SV2B: variants seen among roughly 807,000 people sequenced by gnomAD.
The protein encoded by SV2B is solute carrier family 22 member B2.
In SV2B, 41 loss-of-function variants were observed where a neutral mutation model predicts 73.9. The observed-to-expected ratio is 0.56, with a 90% CI of 0.43 to 0.72. The LOEUF (loss-of-function observed/expected upper bound fraction) is 0.72. SV2B is among the 30% of genes least tolerant of loss of function. The pLI is 0.00. For missense variants in SV2B, 764 were observed against 857.8 expected (o/e 0.89, Z 1.37); for synonymous variants, 314 against 314.2 (o/e 1.00, Z 0.01).
intron 1 of SV2B, among the ~76,000 whole-genome samples, chr15:91,192,658 G>T (rs976625918): frequency 6.6e-6 from 1 of 152,114 alleles, no homozygotes; most frequent in African/African-American, 2.4e-5. Context: ...CTTTAAAAAA[G>T]GATGGAGAAG....
chr15:91,141,389 A>G lies in SV2B; in HGVS notation c.-392+41026A>G, dbSNP rs761828777. Reference sequence around the variant, plus strand: ...AGGAAGACTTGGAGTTTTCAGGAGCATCTTAGTAGTTTAGCTTTCTAACCT... The same window carrying G: ...AGGAAGACTTGGAGTTTTCAGGAGCGTCTTAGTAGTTTAGCTTTCTAACCT... On this transcript the variant is annotated intron_variant, in intron 1 of 12. Transcript: ENST00000394232. The surrounding 1 kb of genome is among the most constrained non-coding windows in gnomAD (Gnocchi z 4.6). Among the ~76,000 whole-genome samples, 4 of 152,164 alleles carry G rather than the reference A, an allele frequency of 2.6e-5. No homozygotes were observed. The highest frequency in any genetic ancestry group is 4.4e-5 in the Non-Finnish European group (3 of 68,026).
In SV2B at chr15:91,292,680, C is replaced by A; in HGVS notation, c.*128C>A. 8.2e-7 allele frequency: 1 copy of A among 1,218,022 alleles called. No individual in the cohort carries two copies. The highest frequency in any genetic ancestry group is 1.1e-6 in the Non-Finnish European group (1 of 900,982). The allele number at this position is 1,218,022 out of a possible 1,614,324, so 75.5% of individuals were successfully genotyped here. On this transcript the variant is annotated 3_prime_UTR_variant, in exon 13 of 13. Coordinates refer to ENST00000394232, the MANE Select transcript of SV2B (RefSeq NM_001323032.3). Reference sequence around the variant, plus strand: ...CGGGAGGAGAAGTTGACTTTGTGACCCCTAGTTTAGGACCCACTTCAGCTG... The same window carrying A: ...CGGGAGGAGAAGTTGACTTTGTGACACCTAGTTTAGGACCCACTTCAGCTG...
At chr15:91,138,324 T>C (rs2042904153) in intron 1 of SV2B, among the ~76,000 whole-genome samples, 1 of 152,234 alleles carries the variant, frequency 6.6e-6, no homozygotes, top group Non-Finnish European at 1.5e-5. Flanking sequence ...ACCGAGGAAC[T>C]AAGTTTTAAA....
chr15:91,196,242 T>C (rs1032939352), intron 1 of SV2B, among the ~76,000 whole-genome samples: 3 of 152,190 alleles, frequency 2.0e-5, no homozygotes, highest in African/African-American at 7.2e-5. Flanking sequence ...CACGGGGATA[T>C]AATAATTTAT....
At chr15:91,113,262 C>A (rs1263393019) in intron 1 of SV2B, among the ~76,000 whole-genome samples, 3 of 152,228 alleles carry the variant, frequency 2.0e-5, no homozygotes, top group African/African-American at 7.2e-5. Context: ...GGCCACGTAA[C>A]AGTTTTGTTG....
chr15:91,197,673 A>G lies in SV2B; in HGVS notation c.-391-28200A>G, dbSNP rs1231139116. On this transcript the variant is annotated intron_variant, in intron 1 of 12. Transcript: ENST00000394232. The surrounding 1 kb of genome is among the most constrained non-coding windows in gnomAD (Gnocchi z 4.9). The stretch of plus-strand genomic sequence containing the variant: ...AGCTACATTAATTACAACTCCATAC[A>G]TGTTACAGCAAAATCTCTAAAATAT... 2.0e-5 allele frequency among the ~76,000 whole-genome samples: 3 copies of G among 152,238 alleles called. No individual in the cohort carries two copies. Among genetic ancestry groups the G allele is most frequent in the African/African-American group, 7.2e-5 (3 of 41,470 alleles).
chr15:91,175,885 T>A (rs1451903259), intron 1 of SV2B, among the ~76,000 whole-genome samples: 1 of 151,706 alleles, frequency 6.6e-6, no homozygotes, highest in Non-Finnish European at 1.5e-5. Flanking sequence ...TTATTAGTAT[T>A]TTCTTTTTTT....
rs1268158880 is a variant in SV2B at position 91,284,794 on chromosome 15, G to C, written c.1708+573G>C. On this transcript the variant is annotated intron_variant, in intron 11 of 12. Transcript: ENST00000394232. This position sits in a 1 kb window ranked among gnomAD's most constrained non-coding sequence, Gnocchi z 4.5. Reference sequence around the variant, plus strand: ...GGGTTTTGTGAGAATTGAACATAAGGTACCTGTAACACTTGGCACATCGTC... The same window carrying C: ...GGGTTTTGTGAGAATTGAACATAAGCTACCTGTAACACTTGGCACATCGTC... 1.3e-5 allele frequency among the ~76,000 whole-genome samples: 2 copies of C among 152,100 alleles called. No homozygotes were observed. The highest frequency in any genetic ancestry group is 4.8e-5 in the African/African-American group (2 of 41,386).
intron 1 of SV2B, among the ~76,000 whole-genome samples, chr15:91,117,461 T>C (rs954887418): frequency 6.6e-6 from 1 of 152,210 alleles, no homozygotes; most frequent in African/African-American, 2.4e-5. Context: ...ACAAACTATA[T>C]TTATCTTACT....
chr15:91,296,735 TCATGGGCACACGCTCCTTCTGCCC>T lies in SV2B; in HGVS notation c.*4184_*4207del. 6.8e-6 allele frequency: 1 copy of T among 147,288 alleles called. No individual in the cohort carries two copies. The highest frequency in any genetic ancestry group is 1.5e-5 in the Non-Finnish European group (1 of 68,296). 9.1% of individuals were successfully genotyped at this position (147,288 alleles called of 1,614,324 possible). A position where few individuals can be genotyped will look rare whatever the true frequency, so the allele number is the denominator to read the frequency against. On this transcript the variant is annotated 3_prime_UTR_variant, in exon 13 of 13. Transcript: ENST00000394232. ...ATGGGCACACGCTCCTTCTGCCCGA[TCATGGGCACACGCTCCTTCTGCCC>T]GATCGTTGGGAGCACACTCCTTCTG...
intron 1 of SV2B, among the ~76,000 whole-genome samples, chr15:91,170,408 C>G (rs912276384): frequency 1.3e-5 from 2 of 152,184 alleles, no homozygotes; most frequent in Non-Finnish European, 2.9e-5. Flanking sequence ...CTGCCTCAGC[C>G]TCCCGAGTAG....
chr15:91,292,547 A>C lies in SV2B; in HGVS notation c.2047A>C (p.Met683Leu). 1.2e-6 allele frequency: 2 copies of C among 1,613,088 alleles called. No individual in the cohort carries two copies. Among genetic ancestry groups the C allele is most frequent in the Non-Finnish European group, 1.7e-6 (2 of 1,179,698 alleles). ...RLPETREQVL[M>L] Reference sequence around the variant, plus strand: ...GCCAGAGACTCGAGAACAGGTCCTGATGTGAACAACCTATGGGAAAAGGAA... The same window carrying C: ...GCCAGAGACTCGAGAACAGGTCCTGCTGTGAACAACCTATGGGAAAAGGAA... The change falls in exon 13 of 13, where the codon ATG (methionine) becomes CTG (leucine). Residue 683 changes from methionine to leucine, a missense_variant. Met to Leu is a conservative substitution (Grantham distance 15, BLOSUM62 2). Coordinates refer to ENST00000394232, the MANE Select transcript of SV2B (RefSeq NM_001323032.3).
At chr15:91,157,117 G>GCTTGGA (rs1254796971) in intron 1 of SV2B, among the ~76,000 whole-genome samples, 1 of 152,158 alleles carries the variant, frequency 6.6e-6, no homozygotes, top group Non-Finnish European at 1.5e-5. Context: ...GGGAAGCTGA[G>GCTTGGA]CTTGGAAATG....
At chr15:91,207,477 G>T (rs948030584) in intron 1 of SV2B, among the ~76,000 whole-genome samples, 2 of 152,058 alleles carry the variant, frequency 1.3e-5, no homozygotes, top group Non-Finnish European at 2.9e-5. Flanking sequence ...TGGTCTGTGT[G>T]GTCCCCACCA....
Position 91,132,416 on chromosome 15 carries a change from A to G in SV2B, c.-392+32053A>G, listed in dbSNP as rs1485613919. On this transcript the variant is annotated intron_variant, in intron 1 of 12. Transcript: ENST00000394232. The surrounding 1 kb of genome is among the most constrained non-coding windows in gnomAD (Gnocchi z 4.6). ...TGAAGTAAAGTTATACTTCTATGCAAATGAAGACTTGGCCTGCAATCAGTC... is the reference window on the plus strand; with the variant it reads ...TGAAGTAAAGTTATACTTCTATGCAGATGAAGACTTGGCCTGCAATCAGTC... Among the ~76,000 whole-genome samples, 1 of 152,214 alleles carries G rather than the reference A, an allele frequency of 6.6e-6. No homozygotes were observed. Among genetic ancestry groups the G allele is most frequent in the African/African-American group, 2.4e-5 (1 of 41,462 alleles).
Position 91,107,670 on chromosome 15 carries a change from C to T in SV2B, c.-392+7307C>T, listed in dbSNP as rs187245110. ...TGTCAACCAGGCTGGAGTGCAGTGG[C>T]GTGAACTCAGCTCACTGCAGCCTTG... On this transcript the variant is annotated intron_variant, in intron 1 of 12. Coordinates refer to ENST00000394232, the MANE Select transcript of SV2B (RefSeq NM_001323032.3). Among the ~76,000 whole-genome samples the T allele has an allele frequency of 4.9e-3, 751 of 152,146 alleles. 3 individuals carry two copies. The highest frequency in any genetic ancestry group is 7.3e-3 in the Non-Finnish European group (493 of 67,994).
intron 6 of SV2B, among the ~76,000 whole-genome samples, chr15:91,262,903 C>T (rs1313476535): frequency 6.6e-6 from 1 of 152,204 alleles, no homozygotes; most frequent in East Asian, 1.9e-4. Context: ...TGCCACCCTG[C>T]CCCTGCTGCC....
At chr15:91,116,434 G>A (rs2042180330) in intron 1 of SV2B, among the ~76,000 whole-genome samples, 1 of 152,142 alleles carries the variant, frequency 6.6e-6, no homozygotes, top group African/African-American at 2.4e-5. Flanking sequence ...ATTTTTGAGA[G>A]CCCCAGATAT....
chr15:91,177,433 T>G (rs571239248), intron 1 of SV2B, among the ~76,000 whole-genome samples: 1 of 151,720 alleles, frequency 6.6e-6, no homozygotes, highest in Non-Finnish European at 1.5e-5. Context: ...GTGAAGAAAG[T>G]CATTGGTAGC....
Sources: gnomAD v4.1 joint callset for allele counts (sites outside exome capture counted in the v4.1 genomes callset) on GRCh38, gnomAD v4.1.1 for gene constraint, Gnocchi (gnomAD v3.1) non-coding constraint, MANE v1.5 for transcripts, NCBI Gene and HGNC (gene_info 2026-07-23, HGNC 2026-07-21) for gene names.